RDH10: variants seen among roughly 807,000 people sequenced by gnomAD.
RDH10 encodes the protein retinol dehydrogenase 10 (all-trans).
A neutral mutation model predicts 30.2 loss-of-function variants in RDH10; 12 were observed. The observed-to-expected ratio is 0.40, with a 90% CI of 0.25 to 0.64. The LOEUF is 0.64. RDH10 is among the 30% of genes least tolerant of loss of function. RDH10 has a pLI of 0.43. For missense variants in RDH10, 268 were observed against 445.2 expected (o/e 0.60, Z 3.58); for synonymous variants, 189 against 172.2 (o/e 1.10, Z -0.76).
At chr8:73,314,482 A>G (rs1814625756) in intron 2 of RDH10, among the ~76,000 whole-genome samples, 1 of 152,212 alleles carries the variant, frequency 6.6e-6, no homozygotes, top group South Asian at 2.1e-4. Context: ...TCAGGCAGCA[A>G]AGGAAATGAT....
In RDH10 at chr8:73,301,945, C is replaced by G. The variant is rs367589380; in HGVS notation, c.525+4516C>G. Among the ~76,000 whole-genome samples the G allele has an allele frequency of 7.9e-5, 12 of 152,330 alleles. 1 individual carries two copies. The highest frequency in any genetic ancestry group is 2.9e-4 in the African/African-American group (12 of 41,576). The stretch of plus-strand genomic sequence containing the variant: ...TAGAACTCTGCTCATTGGTGTGAGG[C>G]TAGTGACTTGATAAGGCTGGTGTTG... On this transcript the variant is annotated intron_variant, in intron 2 of 5. Coordinates refer to ENST00000240285, the MANE Select transcript of RDH10 (RefSeq NM_172037.5).
At chr8:73,305,309 A>G (rs1010235801) in intron 2 of RDH10, among the ~76,000 whole-genome samples, 6 of 152,226 alleles carry the variant, frequency 3.9e-5, no homozygotes, top group Non-Finnish European at 8.8e-5. Context: ...AGTAACTTGA[A>G]TATATCTAAC....
chr8:73,311,660 T>C (rs1441555233), intron 2 of RDH10: 1 of 152,236 alleles, frequency 6.6e-6, no homozygotes, highest in Non-Finnish European at 1.5e-5. Flanking sequence ...AGATTTAACA[T>C]TGGCACAAAT....
intron 4 of RDH10, chr8:73,322,368 C>T (rs557975317): frequency 3.6e-4 from 104 of 291,218 alleles, no homozygotes; most frequent in African/African-American, 1.9e-3. Flanking sequence ...ACCTTCTCCT[C>T]TTTCTATTGA....
chr8:73,304,366 A>G (rs530266953), intron 2 of RDH10, among the ~76,000 whole-genome samples: 3 of 151,664 alleles, frequency 2.0e-5, no homozygotes, highest in Non-Finnish European at 4.4e-5. Flanking sequence ...TTCCTTTCCT[A>G]CTTCATCCTG....
chr8:73,322,127 C>T lies in RDH10; in HGVS notation c.771-552C>T, dbSNP rs866887998. ...TGAAGAATGAAAGGAATAAATTGCACACTATCATTTCAACATGTAACCCAG... is the reference window on the plus strand; with the variant it reads ...TGAAGAATGAAAGGAATAAATTGCATACTATCATTTCAACATGTAACCCAG... On this transcript the variant is annotated intron_variant, in intron 4 of 5. Transcript: ENST00000240285. 24 of 398,910 alleles carry T rather than the reference C, an allele frequency of 6.0e-5. No homozygotes were observed. In the Middle Eastern group the frequency reaches 7.8e-3, roughly 130 times the overall value. 24.7% of individuals were successfully genotyped at this position (398,910 alleles called of 1,614,324 possible).
At chr8:73,317,905 G>T (rs993499782) in intron 2 of RDH10, among the ~76,000 whole-genome samples, 1 of 150,926 alleles carries the variant, frequency 6.6e-6, no homozygotes, top group African/African-American at 2.4e-5. Flanking sequence ...GGGCAACACC[G>T]CAAAACCCTG....
chr8:73,319,280 C>T, intron 3 of RDH10, 86 bp downstream of exon 3: 1 of 892,408 alleles, frequency 1.1e-6, no homozygotes, highest in Admixed American at 2.0e-5. Context: ...CACCTGCTGC[C>T]CCTCCATTCA....
chr8:73,297,296 G>T lies in RDH10; in HGVS notation c.392G>T (p.Arg131Ile). 3.1e-6 allele frequency: 5 copies of T among 1,614,180 alleles called. No homozygotes were observed. Among genetic ancestry groups the T allele is most frequent in the Non-Finnish European group, 3.4e-6 (4 of 1,179,976 alleles). Residue 131 changes from arginine (R) to isoleucine (I), a missense_variant, in exon 2 of 6, where the codon AGA becomes ATA. Physicochemically the swap from Arg to Ile is moderately conservative, Grantham distance 97. Transcript: ENST00000240285. ...KRENVYLTAE[R>I]VRKEVGEVSV... ...GAGAACGTCTACCTGACGGCTGAAA[G>T]AGTCCGCAAGGAGGTTGGCGAAGTC...
At chr8:73,306,517 T>G (rs1327541654) in intron 2 of RDH10, among the ~76,000 whole-genome samples, 1 of 152,272 alleles carries the variant, frequency 6.6e-6, no homozygotes, top group Non-Finnish European at 1.5e-5. Context: ...ATAATCTTCA[T>G]AAAACTTTCA....
chr8:73,297,649 C>T lies in RDH10; in HGVS notation c.525+220C>T, dbSNP rs899098393. 9 of 434,022 alleles carry T rather than the reference C, an allele frequency of 2.1e-5. No individual in the cohort carries two copies. The African/African-American group carries it at 2.5e-4, about 12-fold the overall frequency. The allele number at this position is 434,022 out of a possible 1,614,324, so 26.9% of individuals were successfully genotyped here. The stretch of plus-strand genomic sequence containing the variant: ...CCCTAACTCAGTATTTTTGAGAGGG[C>T]AGAGGATTGAACATTTTGAACTAGT... On this transcript the variant is annotated intron_variant, in intron 2 of 5. Transcript: ENST00000240285.
intron 2 of RDH10, among the ~76,000 whole-genome samples, chr8:73,318,892 G>A (rs1371329351): frequency 1.3e-5 from 2 of 152,146 alleles, no homozygotes; most frequent in Non-Finnish European, 2.9e-5. Flanking sequence ...TGTTGGTCAC[G>A]ACTTATAATA....
At chr8:73,301,689 G>A (rs535250500) in intron 2 of RDH10, among the ~76,000 whole-genome samples, 47 of 152,224 alleles carry the variant, frequency 3.1e-4, no homozygotes, top group African/African-American at 1.0e-3. Context: ...CCGGGAGGCC[G>A]AAGTTGCAGT....
rs1481985651 is a variant in RDH10 at position 73,324,019 on chromosome 8, T to C, written c.*983T>C. The C allele has an allele frequency of 2.6e-5, 4 of 152,670 alleles. No homozygotes were observed. Among genetic ancestry groups the C allele is most frequent in the Non-Finnish European group, 4.4e-5 (3 of 68,046 alleles). The allele number at this position is 152,670 out of a possible 1,614,324, so 9.5% of individuals were successfully genotyped here. ...GAGACCTAATTATCCTAAAAGATCA[T>C]ACATTTTCTACCTATGAATTTTGCT... On this transcript the variant is annotated 3_prime_UTR_variant, in exon 6 of 6. Transcript: ENST00000240285.
Position 73,304,731 on chromosome 8 carries a change from C to G in RDH10, c.525+7302C>G, listed in dbSNP as rs566661657. Among the ~76,000 whole-genome samples the G allele has an allele frequency of 8.5e-5, 13 of 152,272 alleles. No homozygotes were observed. In the South Asian group the frequency reaches 2.3e-3, roughly 27 times the overall value. The stretch of plus-strand genomic sequence containing the variant: ...GCTTGGCTGTTCTGCCATTTGAGTC[C>G]TGTTTTACTTGAAGACAACAGAAGT... On this transcript the variant is annotated intron_variant, in intron 2 of 5. Coordinates refer to ENST00000240285, the MANE Select transcript of RDH10 (RefSeq NM_172037.5).
intron 2 of RDH10, among the ~76,000 whole-genome samples, chr8:73,316,964 G>A (rs929705892): frequency 2.0e-5 from 3 of 152,102 alleles, no homozygotes; most frequent in Admixed American, 2.0e-4. Flanking sequence ...CTCTGACATT[G>A]AGGATTATAG....
chr8:73,297,292 G>C lies in RDH10; in HGVS notation c.388G>C (p.Glu130Gln). The C allele has an allele frequency of 1.9e-6, 3 of 1,614,114 alleles. No individual in the cohort carries two copies. The highest frequency in any genetic ancestry group is 2.5e-6 in the Non-Finnish European group (3 of 1,179,932). Residue 130 changes from glutamate (E) to glutamine (Q), a missense_variant, in exon 2 of 6, where the codon GAA becomes CAA. Coordinates refer to ENST00000240285, the MANE Select transcript of RDH10 (RefSeq NM_172037.5). ...GKRENVYLTA[E>Q]RVRKEVGEVS... ...GAGGGAGAACGTCTACCTGACGGCT[G>C]AAAGAGTCCGCAAGGAGGTTGGCGA...
rs1299849380 is a variant in RDH10, at chr8:73,324,276, G to A, written c.*1240G>A. 2.0e-5 allele frequency: 3 copies of A among 152,652 alleles called. No individual in the cohort carries two copies. The highest frequency in any genetic ancestry group is 7.2e-5 in the African/African-American group (3 of 41,458). The allele number at this position is 152,652 out of a possible 1,614,324, so 9.5% of individuals were successfully genotyped here. A position where few individuals can be genotyped will look rare whatever the true frequency, so the allele number is the denominator to read the frequency against. On this transcript the variant is annotated 3_prime_UTR_variant, in exon 6 of 6. Coordinates refer to ENST00000240285, the MANE Select transcript of RDH10 (RefSeq NM_172037.5). ...TTCTTTTGAAAGGTTTATTCACATTGTAGAACAGCAAATGACATTTTTACA... is the reference window on the plus strand; with the variant it reads ...TTCTTTTGAAAGGTTTATTCACATTATAGAACAGCAAATGACATTTTTACA...
At chr8:73,295,889 A>ATCCCAAAGAAATGTCTTGC in intron 1 of RDH10, 1 of 1,178,570 alleles carries the variant, frequency 8.5e-7, no homozygotes, top group Non-Finnish European at 1.1e-6. Context: ...ACAGGTTTGG[A>ATCCCAAAGAAATGTCTTGC]TCCCAAAGAA....
Sources: allele counts gnomAD v4.1 joint callset (sites outside exome capture counted in the v4.1 genomes callset), GRCh38; gene constraint gnomAD v4.1.1; transcripts MANE v1.5; gene names NCBI Gene and HGNC (gene_info 2026-07-23, HGNC 2026-07-21).